RBFOX1: variants seen among roughly 807,000 people sequenced by gnomAD.
RBFOX1 encodes RNA binding protein fox-1 homolog 1.
RBFOX1 carries 8 observed loss-of-function variants against 57.7 expected under a neutral mutation model. The observed-to-expected ratio is 0.14, with a 90% confidence interval of 0.08 to 0.25. The LOEUF is 0.25. Among genes scored for constraint, RBFOX1 ranks in the 10% least tolerant of loss-of-function variants. RBFOX1 has a pLI of 1.00. For synonymous variants in RBFOX1, 326 were observed against 222.4 expected, an observed-to-expected ratio of 1.47 and a Z score of -4.15; for missense variants, 611 against 548.5, an observed-to-expected ratio of 1.11 and a Z score of -1.14.
intron 2 of RBFOX1, among the ~76,000 whole-genome samples, chr16:6,439,588 A>C (rs1204601086): frequency 6.6e-6 from 1 of 152,176 alleles, no homozygotes; most frequent in Non-Finnish European, 1.5e-5. Flanking sequence ...AGTTCAGTGC[A>C]ATATACCCTT....
At chr16:6,098,602 G>A (rs2096271256) in intron 1 of RBFOX1, among the ~76,000 whole-genome samples, 1 of 152,216 alleles carries the variant, frequency 6.6e-6, no homozygotes, top group Admixed American at 6.5e-5. Flanking sequence ...GTTTCTGGCT[G>A]CTGCCAAGGG....
rs142495505 is a variant in RBFOX1 at position 7,340,586 on chromosome 16, C to A, written c.28-177561C>A. Reference sequence around the variant, plus strand: ...AGTCCAACCAGGACATCCAACAACACAATAATCAGTGCAAGATTGTGTTTC... The same window carrying A: ...AGTCCAACCAGGACATCCAACAACAAAATAATCAGTGCAAGATTGTGTTTC... On this transcript the variant is annotated intron_variant, in intron 4 of 15. Transcript: ENST00000550418. 5.9e-3 allele frequency among the ~76,000 whole-genome samples: 899 copies of A among 152,310 alleles called. 8 individuals carry two copies. Among genetic ancestry groups the A allele is most frequent in the African/African-American group, 0.021 (853 of 41,564 alleles).
At chr16:5,244,655 G>A (rs760351302) in intron 1 of RBFOX1, among the ~76,000 whole-genome samples, 13 of 152,266 alleles carry the variant, frequency 8.5e-5, no homozygotes, top group Admixed American at 3.9e-4. Context: ...CTGGAACGCG[G>A]TGTGTCTGCT....
At chr16:6,313,364 A>G (rs1214003791) in intron 1 of RBFOX1, among the ~76,000 whole-genome samples, 3 of 152,202 alleles carry the variant, frequency 2.0e-5, no homozygotes, top group African/African-American at 4.8e-5. Context: ...CTTGACCTGC[A>G]TGGGGGCAAG....
chr16:7,404,495 G>A (rs7186570), intron 4 of RBFOX1, among the ~76,000 whole-genome samples: 118,000 of 152,058 alleles, frequency 0.78, 46,240 homozygotes, highest in Non-Finnish European at 0.83. Flanking sequence ...ACTGCGTGAA[G>A]CACTTGGCAT....
At chr16:5,306,857 T>C (rs1336299311) in intron 1 of RBFOX1, among the ~76,000 whole-genome samples, 6 of 152,160 alleles carry the variant, frequency 3.9e-5, no homozygotes, top group African/African-American at 1.4e-4. Flanking sequence ...GCCTCCTCCA[T>C]GTTCTCTGCT....
At chr16:6,753,555 C>T (rs1215724976) in intron 3 of RBFOX1, among the ~76,000 whole-genome samples, 3 of 152,136 alleles carry the variant, frequency 2.0e-5, no homozygotes, top group Non-Finnish European at 2.9e-5. Context: ...ATATTTGTTA[C>T]ATCTGTCTTA....
chr16:7,411,018 T>C (rs1362682170), intron 4 of RBFOX1, among the ~76,000 whole-genome samples: 2 of 152,140 alleles, frequency 1.3e-5, no homozygotes, highest in Non-Finnish European at 2.9e-5. Context: ...TGATCTTGGC[T>C]CACTGCACCC....
At position 6,421,440 on chromosome 16, in the gene RBFOX1, G is replaced by T. The variant is rs139446528; in HGVS notation, c.-64+104383G>T. Among the ~76,000 whole-genome samples, 268 of 152,314 alleles carry T rather than the reference G, an allele frequency of 1.8e-3. No homozygotes were observed. In the Middle Eastern group the frequency reaches 0.031, roughly 17 times the overall value. On this transcript the variant is annotated intron_variant, in intron 2 of 15. Coordinates refer to ENST00000550418, the MANE Select transcript of RBFOX1 (RefSeq NM_018723.4). ...TATTCAAGGAAGTTCTACCTTTAAG[G>T]AGGTTATGAATTCTGAATCAGAATT...
intron 3 of RBFOX1, among the ~76,000 whole-genome samples, chr16:6,946,278 CA>C: frequency 6.6e-6 from 1 of 152,324 alleles, no homozygotes; most frequent in South Asian, 2.1e-4. Context: ...TAGCCATAGA[CA>C]ATAACATATG....
At chr16:5,581,655 A>T (rs1267359913) in intron 2 of RBFOX1, among the ~76,000 whole-genome samples, 1 of 152,212 alleles carries the variant, frequency 6.6e-6, no homozygotes, top group Non-Finnish European at 1.5e-5. Flanking sequence ...AAGGATGTGT[A>T]GGAGTTAAGT....
chr16:5,819,115 G>T (rs1035750498), intron 3 of RBFOX1, among the ~76,000 whole-genome samples: 1 of 152,030 alleles, frequency 6.6e-6, no homozygotes. Context: ...CCACAGACTG[G>T]GTGGCTTATA....
intron 4 of RBFOX1, among the ~76,000 whole-genome samples, chr16:7,494,772 C>T (rs2068038091): frequency 6.7e-6 from 1 of 149,914 alleles, no homozygotes; most frequent in Non-Finnish European, 1.5e-5. Context: ...CGAAACTCAG[C>T]AGAAGTTTCT....
At chr16:5,454,640 A>G (rs1033353077) in intron 1 of RBFOX1, among the ~76,000 whole-genome samples, 1 of 152,160 alleles carries the variant, frequency 6.6e-6, no homozygotes, top group African/African-American at 2.4e-5. Flanking sequence ...CATCTACTCT[A>G]CCTGGGTCTC....
chr16:7,420,738 C>T (rs1418290694), intron 4 of RBFOX1, among the ~76,000 whole-genome samples: 1 of 151,372 alleles, frequency 6.6e-6, no homozygotes, highest in Non-Finnish European at 1.5e-5. Flanking sequence ...ACTTCAATTA[C>T]ATCTAGAGCA....
chr16:5,703,055 G>C lies in RBFOX1; in HGVS notation c.318+104094G>C, dbSNP rs189746607. Among the ~76,000 whole-genome samples, 21 of 152,278 alleles carry C rather than the reference G, an allele frequency of 1.4e-4. No individual in the cohort carries two copies. The East Asian group carries it at 4.1e-3, about 29-fold the overall frequency. On this transcript the variant is annotated intron_variant, in intron 3 of 19. Coordinates refer to the RBFOX1 transcript ENST00000641259. ...GTTACTAAATATGTCCTGTGTGCTG[G>C]AGTTGATGGTAGGCACTAAGAAGAT...
chr16:6,515,191 C>G (rs138326267), intron 2 of RBFOX1, among the ~76,000 whole-genome samples: 306 of 152,314 alleles, frequency 2.0e-3, no homozygotes, highest in African/African-American at 6.6e-3. Context: ...TTCACTCTGG[C>G]TATACAAGAT....
chr16:7,440,103 C>T (rs918557483), intron 4 of RBFOX1, among the ~76,000 whole-genome samples: 6 of 151,972 alleles, frequency 3.9e-5, no homozygotes, highest in Non-Finnish European at 7.4e-5. Context: ...GCCGTGTCGC[C>T]TAGGCTGGTC....
At chr16:5,390,594 T>C (rs778248625) in intron 1 of RBFOX1, among the ~76,000 whole-genome samples, 12 of 152,158 alleles carry the variant, frequency 7.9e-5, no homozygotes, top group African/African-American at 1.4e-4. Flanking sequence ...TGGCCTCATA[T>C]ATTATTTTTA....
Sources: gnomAD v4.1 joint callset for allele counts (sites outside exome capture counted in the v4.1 genomes callset) on GRCh38, gnomAD v4.1.1 for gene constraint, MANE v1.5 for transcripts, NCBI Gene and HGNC (gene_info 2026-07-23, HGNC 2026-07-21) for gene names.